TRIM64B: variants seen among roughly 807,000 people sequenced by gnomAD.
TRIM64B encodes tripartite motif-containing protein 64B.
For synonymous variants in TRIM64B, 17 were observed against 190.3 expected (o/e 0.09, Z 7.50); for missense variants, 57 against 536.4 (o/e 0.11, Z 8.83).
intron 2 of TRIM64B, among the ~76,000 whole-genome samples, 185 bp from the exon 4 acceptor site, chr11:89,874,464 AAAT>A (rs1390893708): frequency 5.9e-5 from 1 of 16,924 alleles, no homozygotes; most frequent in African/African-American, 2.8e-4. Flanking sequence ...CTCCCTCTTT[AAAT>A]CAAACCTATA....
Position 89,872,712 on chromosome 11 carries a change from G to A in TRIM64B, c.759-400C>T, listed in dbSNP as rs1377376193. On this transcript the variant is annotated intron_variant, in intron 4 of 5. Transcript: ENST00000329862. The stretch of plus-strand genomic sequence containing the variant: ...CAGTGTCTAACAGAGAATGTTCACT[G>A]AGGCAAAAGGCTTTAATCTTTTGTG... Among the ~76,000 whole-genome samples, 7 of 151,782 alleles carry A rather than the reference G, an allele frequency of 4.6e-5. 1 individual carries two copies. The highest frequency in any genetic ancestry group is 7.3e-5 in the African/African-American group (3 of 41,038).
chr11:89,875,821 G>A (rs1208626660), exon 1 of TRIM64B: 1 of 1,547,304 alleles, frequency 6.5e-7, no homozygotes, highest in African/African-American at 1.4e-5. Context: ...TACCAGATTG[G>A]TGTTGAAGTT....
intron 1 of TRIM64B, among the ~76,000 whole-genome samples, chr11:89,875,308 C>T (rs1208129794): frequency 6.6e-6 from 1 of 152,282 alleles, no homozygotes; most frequent in African/African-American, 2.4e-5. Context: ...TTCTGAGAAA[C>T]TGGCTTTCAG....
chr11:89,878,152 A>G (rs1950176816), upstream of TRIM64B, among the ~76,000 whole-genome samples: 2 of 136,372 alleles, frequency 1.5e-5, no homozygotes, highest in South Asian at 4.6e-4. Flanking sequence ...TTCACACTTA[A>G]GAAAAATCTA....
chr11:89,876,770 C>G (rs540503544), upstream of TRIM64B, among the ~76,000 whole-genome samples: 23 of 149,132 alleles, frequency 1.5e-4, no homozygotes, highest in South Asian at 4.5e-3. Context: ...GCTTTTTTCT[C>G]CCTGTAAATA....
upstream of TRIM64B, among the ~76,000 whole-genome samples, chr11:89,877,610 T>C (rs1410184244): frequency 1.7e-5 from 2 of 114,462 alleles, no homozygotes; most frequent in Non-Finnish European, 3.4e-5. Flanking sequence ...TTTCTTTTTC[T>C]TTTTTTTTTT....
At chr11:89,875,389 A>C (rs1288022540) in intron 1 of TRIM64B, among the ~76,000 whole-genome samples, 1 of 152,306 alleles carries the variant, frequency 6.6e-6, no homozygotes, top group Non-Finnish European at 1.5e-5. Context: ...ACGTTTGAAC[A>C]ATGTTTCTAA....
At chr11:89,871,431 A>G (rs1349783526) in intron 5 of TRIM64B, among the ~76,000 whole-genome samples, 3 of 152,306 alleles carry the variant, frequency 2.0e-5, no homozygotes, top group African/African-American at 7.2e-5. Flanking sequence ...CTCTCCTTGT[A>G]TTATTTGTTT....
At chr11:89,871,401 T>C (rs190962228) in intron 5 of TRIM64B, among the ~76,000 whole-genome samples, 391 of 152,224 alleles carry the variant, frequency 2.6e-3, no homozygotes, top group Non-Finnish European at 4.2e-3. Context: ...GCAAAATGTT[T>C]TTTTTTCTTC....
chr11:89,870,694 G>T (rs1426208478), exon 6 of TRIM64B: 1 of 1,551,030 alleles, frequency 6.4e-7, no homozygotes, highest in East Asian at 2.4e-5. Flanking sequence ...ATAGATAAGA[G>T]AACCTTTAGA....
At chr11:89,874,813 TG>T (rs1177709965) in intron 2 of TRIM64B, among the ~76,000 whole-genome samples, 164 bp downstream of exon 3, 3 of 148,280 alleles carry the variant, frequency 2.0e-5, no homozygotes, top group African/African-American at 7.5e-5. Context: ...TTGGCTAGCT[TG>T]TGTGGGCTTC....
chr11:89,877,614 T>C (rs1430574011), upstream of TRIM64B, among the ~76,000 whole-genome samples: 13 of 147,080 alleles, frequency 8.8e-5, no homozygotes, highest in African/African-American at 1.8e-4. Flanking sequence ...TTTTTCTTTT[T>C]TTTTTTTTTT....
At chr11:89,872,870 G>A (rs150534749) in intron 4 of TRIM64B, among the ~76,000 whole-genome samples, 1 of 151,378 alleles carries the variant, frequency 6.6e-6, no homozygotes, top group Non-Finnish European at 1.5e-5. Context: ...GCTTTTAGGA[G>A]CAAAACATCC....
chr11:89,878,038 C>T (rs1027195962), upstream of TRIM64B, among the ~76,000 whole-genome samples: 1 of 147,584 alleles, frequency 6.8e-6, no homozygotes, highest in Non-Finnish European at 1.5e-5. Flanking sequence ...TTTTAACGTT[C>T]GCTTTGGCTT....
intron 4 of TRIM64B, among the ~76,000 whole-genome samples, chr11:89,872,714 G>A (rs1395765035): frequency 6.6e-6 from 1 of 151,784 alleles, no homozygotes; most frequent in Non-Finnish European, 1.5e-5. Flanking sequence ...TGTTCACTGA[G>A]GCAAAAGGCT....
At chr11:89,876,408 G>A (rs1249009027), upstream of TRIM64B, among the ~76,000 whole-genome samples, 3 of 148,886 alleles carry the variant, frequency 2.0e-5, no homozygotes, top group Non-Finnish European at 3.0e-5. Context: ...TACTGTTTAG[G>A]AACAGCAAGA....
chr11:89,876,849 T>C (rs1397194730), upstream of TRIM64B, among the ~76,000 whole-genome samples: 1 of 149,424 alleles, frequency 6.7e-6, no homozygotes, highest in African/African-American at 2.4e-5. Flanking sequence ...ACAACCGTGA[T>C]GCAAATGAGA....
chr11:89,873,229 A>C (rs753120423), intron 4 of TRIM64B, 39 bp downstream of exon 5: 1 of 1,549,490 alleles, frequency 6.5e-7, no homozygotes, highest in Admixed American at 2.0e-5. Context: ...GCAAGAGAAC[A>C]AACTTTTCAG....
exon 3 of TRIM64B, chr11:89,874,279 C>A (rs1950142540): frequency 2.8e-6 from 4 of 1,417,184 alleles, no homozygotes; most frequent in Non-Finnish European, 3.8e-6. Context: ...GACACATAGT[C>A]CTGCAGAGAT....
Sources: allele counts gnomAD v4.1 joint callset (sites outside exome capture counted in the v4.1 genomes callset), GRCh38; gene constraint gnomAD v4.1.1; transcripts MANE v1.5; gene names NCBI Gene and HGNC (gene_info 2026-07-23, HGNC 2026-07-21).